Variants in ZNF728 observed in about 807,000 individuals in gnomAD.
ZNF728 encodes zinc finger protein 728.
Under a neutral mutation model 12.5 loss-of-function variants are expected in ZNF728, and 12 were observed. The ratio of observed to expected loss-of-function variants is 0.96; its 90% CI spans 0.61 to 1.55. The LOEUF (loss-of-function observed/expected upper bound fraction) is 1.55. Among genes scored for constraint, ZNF728 ranks in the 40% most tolerant of loss-of-function variants. ZNF728 has a pLI of 0.00. For synonymous variants in ZNF728, 205 were observed against 240.7 expected (o/e 0.85, Z 1.37); for missense variants, 692 against 719.2 (o/e 0.96, Z 0.43).
chr19:22,984,325 G>A lies in ZNF728; in HGVS notation c.226+2983C>T, dbSNP rs769594157. 3.9e-5 allele frequency among the ~76,000 whole-genome samples: 6 copies of A among 151,980 alleles called. No individual in the cohort carries two copies. The East Asian group carries it at 7.8e-4, about 20-fold the overall frequency. ...TGTAATCCCAGCACTTTGGGAGGCC[G>A]AGGTGGGTGGATCACCTGAGGTCAG... On this transcript the variant is annotated intron_variant, in intron 3 of 3. Transcript: ENST00000594710.
intron 3 of ZNF728, among the ~76,000 whole-genome samples, chr19:22,983,180 C>G (rs547127033): frequency 4.0e-4 from 61 of 151,796 alleles, no homozygotes; most frequent in African/African-American, 1.4e-3. Flanking sequence ...AAAAACACCC[C>G]ATCAAAAAGT....
Position 22,975,760 on chromosome 19 carries a change from T to A in ZNF728, c.1577A>T (p.His526Leu). ...TTTCTCTCCAGTATGAATTACCTTA[T>A]GTTTAGTAAGGTTTGCAACCTTACT... ...AFSKVANLTK[H>L]KVIHTGEKQY... is the part of the protein sequence containing the mutation. Residue 526 changes from histidine to leucine, a missense_variant, in exon 4 of 4, where the codon CAT (histidine) becomes CTT (leucine). By Grantham distance (99) the His-to-Leu change is moderately conservative. Transcript: ENST00000594710. 6.2e-7 allele frequency: 1 copy of A among 1,612,154 alleles called. No individual in the cohort carries two copies. The highest frequency in any genetic ancestry group is 1.1e-5 in the South Asian group (1 of 91,060).
chr19:22,980,409 T>TA (rs1200239289), intron 3 of ZNF728, among the ~76,000 whole-genome samples: 3 of 152,150 alleles, frequency 2.0e-5, no homozygotes, highest in Non-Finnish European at 4.4e-5. Flanking sequence ...CAAAGAGACT[T>TA]AGATTCCCAC....
At chr19:22,981,145 T>C (rs1445238466) in intron 3 of ZNF728, among the ~76,000 whole-genome samples, 1 of 151,392 alleles carries the variant, frequency 6.6e-6, no homozygotes, top group Non-Finnish European at 1.5e-5. Context: ...GCCAGTCTAA[T>C]AAAGAAGAAA....
In ZNF728 at chr19:22,975,546, A is replaced by G. The variant is rs775197293; in HGVS notation, c.1791T>C (p.Cys597=). The G allele has an allele frequency of 5.7e-6, 9 of 1,581,872 alleles. No individual in the cohort carries two copies. The East Asian group carries it at 1.8e-4, about 32-fold the overall frequency. The change falls in exon 4 of 4, where the codon TGT becomes TGC. Residue 597 remains cysteine, a synonymous_variant. Transcript: ENST00000594710. ...GTGAGGATTGGTTGAAGTCTTTACC[A>G]CATTCTTCACATTTGTAGAATTTCT... The part of the protein sequence containing the change: ...AGKKFYKCEE[C]GKDFNQSSHL...
At chr19:22,983,954 C>T (rs931975626) in intron 3 of ZNF728, among the ~76,000 whole-genome samples, 10 of 151,684 alleles carry the variant, frequency 6.6e-5, no homozygotes, top group South Asian at 2.1e-4. Context: ...TGCATACCTA[C>T]GTAACAAACC....
At chr19:22,992,346 G>T (rs1377206450) in intron 1 of ZNF728, among the ~76,000 whole-genome samples, 3 of 151,856 alleles carry the variant, frequency 2.0e-5, no homozygotes, top group Non-Finnish European at 2.9e-5. Flanking sequence ...AGGTTCAAGC[G>T]ATTCTCCTGC....
intron 1 of ZNF728, among the ~76,000 whole-genome samples, chr19:22,992,656 G>C (rs1227858648): frequency 6.6e-6 from 1 of 152,060 alleles, no homozygotes; most frequent in Non-Finnish European, 1.5e-5. Flanking sequence ...TTTTACCCGA[G>C]TACAGGGAAC....
At chr19:22,978,751 A>G (rs1326013847) in intron 3 of ZNF728, among the ~76,000 whole-genome samples, 15 of 152,218 alleles carry the variant, frequency 9.9e-5, no homozygotes, top group Admixed American at 9.8e-4. Flanking sequence ...GCTCCAGCAC[A>G]TCTGCAGCAG....
intron 1 of ZNF728, 102 bp downstream of exon 1, chr19:23,002,926 T>G: frequency 6.8e-7 from 1 of 1,466,820 alleles, no homozygotes; most frequent in Non-Finnish European, 9.4e-7. Context: ...GCACAGATTG[T>G]GGAGCTGACT....
chr19:23,003,146 A>C lies in ZNF728; in HGVS notation c.-116T>G. ...GACGACACACAGCAGTAAGGACGAC[A>C]CCTTGACCTCCGCGTGCAGCGAGAG... On this transcript the variant is annotated 5_prime_UTR_variant, in exon 1 of 4. Coordinates refer to ENST00000594710, the MANE Select transcript of ZNF728 (RefSeq NM_001267716.2). The C allele has an allele frequency of 8.0e-7, 1 of 1,246,430 alleles. No individual in the cohort carries two copies. The highest frequency in any genetic ancestry group is 1.1e-6 in the Non-Finnish European group (1 of 913,156). 77.2% of individuals were successfully genotyped at this position (1,246,430 alleles called of 1,614,324 possible). A position where few individuals can be genotyped will look rare whatever the true frequency, so the allele number is the denominator to read the frequency against.
chr19:22,986,265 G>A (rs1599529570), intron 3 of ZNF728, among the ~76,000 whole-genome samples: 3 of 152,028 alleles, frequency 2.0e-5, no homozygotes, highest in South Asian at 2.1e-4. Flanking sequence ...AGCACTTGAC[G>A]TATGTGGAAG....
At chr19:22,985,951 G>A in intron 3 of ZNF728, 1 of 171,732 alleles carries the variant, frequency 5.8e-6, no homozygotes, top group Non-Finnish European at 1.2e-5. Flanking sequence ...ACCTGCCCTA[G>A]CATCTACCCT....
Position 22,975,423 on chromosome 19 carries a change from T to A in ZNF728, c.*45A>T, listed in dbSNP as rs762834363. On this transcript the variant is annotated 3_prime_UTR_variant, in exon 4 of 4. Transcript: ENST00000594710. ...TTTCCCTCCTGTATAAATACCCTTA[T>A]GTTCAGTAAGGGTTAAGAACTAATT... The A allele has an allele frequency of 6.8e-7, 1 of 1,463,060 alleles. No individual in the cohort carries two copies. Among genetic ancestry groups the A allele is most frequent in the African/African-American group, 1.4e-5 (1 of 70,340 alleles). 90.6% of individuals were successfully genotyped at this position (1,463,060 alleles called of 1,614,324 possible).
Position 22,975,102 on chromosome 19 carries a change from T to G in ZNF728, c.*366A>C, listed in dbSNP as rs1414088139. On this transcript the variant is annotated 3_prime_UTR_variant, in exon 4 of 4. Transcript: ENST00000594710. Reference sequence around the variant, plus strand: ...TGATTTCTTTTATATTCAGAAAAGTTTCAGGTGTTGCCAAAAGCCTTGTCA... The same window carrying G: ...TGATTTCTTTTATATTCAGAAAAGTGTCAGGTGTTGCCAAAAGCCTTGTCA... Among the ~76,000 whole-genome samples the G allele has an allele frequency of 6.6e-6, 1 of 152,206 alleles. No homozygotes were observed. Among genetic ancestry groups the G allele is most frequent in the African/African-American group, 2.4e-5 (1 of 41,444 alleles).
chr19:22,994,637 T>C (rs1384853117), intron 1 of ZNF728, among the ~76,000 whole-genome samples: 1 of 152,178 alleles, frequency 6.6e-6, no homozygotes, highest in Non-Finnish European at 1.5e-5. Flanking sequence ...TGCTAATTGG[T>C]TATAATCAAT....
At chr19:22,986,806 A>C (rs1968921553) in intron 3 of ZNF728, among the ~76,000 whole-genome samples, 1 of 152,162 alleles carries the variant, frequency 6.6e-6, no homozygotes, top group Non-Finnish European at 1.5e-5. Flanking sequence ...AAAAGAAAAA[A>C]GCAGGACAAC....
rs982031602 is a variant in ZNF728 at position 22,975,247 on chromosome 19, T to G, written c.*221A>C. On this transcript the variant is annotated 3_prime_UTR_variant, in exon 4 of 4. Transcript: ENST00000594710. The stretch of plus-strand genomic sequence containing the variant: ...GTGTATGGTTTCTCTCCAGTATGAG[T>G]TGTCTTGTACGTAGTAAGCCTTAAG... 6.6e-6 allele frequency among the ~76,000 whole-genome samples: 1 copy of G among 152,182 alleles called. No homozygotes were observed. Among genetic ancestry groups the G allele is most frequent in the African/African-American group, 2.4e-5 (1 of 41,446 alleles).
chr19:22,983,446 G>A (rs968393896), intron 3 of ZNF728, among the ~76,000 whole-genome samples: 60 of 152,182 alleles, frequency 3.9e-4, no homozygotes, highest in African/African-American at 1.4e-3. Flanking sequence ...AAGACAATGT[G>A]GTGATTCCTC....
Sources: allele counts gnomAD v4.1 joint callset (sites outside exome capture counted in the v4.1 genomes callset), GRCh38; gene constraint gnomAD v4.1.1; transcripts MANE v1.5; gene names NCBI Gene and HGNC (gene_info 2026-07-23, HGNC 2026-07-21).